The following TBCA variants were observed in gnomAD, a reference collection of about 807,000 sequenced individuals.
The protein encoded by TBCA is tubulin-specific chaperone A.
A neutral mutation model predicts 15.8 loss-of-function variants in TBCA; 6 were observed. That is an observed-to-expected ratio of 0.38 (90% CI 0.21 to 0.75). The LOEUF (loss-of-function observed/expected upper bound fraction) is 0.75. Among genes scored for constraint, TBCA ranks in the 30% least tolerant of loss-of-function variants. The pLI, the probability that TBCA is intolerant of heterozygous loss-of-function variation, is 0.46. For missense variants in TBCA, 90 were observed against 131.2 expected, an observed-to-expected ratio of 0.69 and a Z score of 1.53; for synonymous variants, 32 against 42.3, an observed-to-expected ratio of 0.76 and a Z score of 0.94.
At chr5:77,741,722 T>C (rs1421377798) in intron 1 of TBCA, among the ~76,000 whole-genome samples, 1 of 152,072 alleles carries the variant, frequency 6.6e-6, no homozygotes, top group Non-Finnish European at 1.5e-5. Context: ...AGTTGATATA[T>C]TTACCAAGTC....
chr5:77,729,449 C>T (rs1287218677), intron 1 of TBCA, among the ~76,000 whole-genome samples: 1 of 151,894 alleles, frequency 6.6e-6, no homozygotes, highest in Non-Finnish European at 1.5e-5. Context: ...GAGCATGGAA[C>T]CAGAAAAAAA....
intron 1 of TBCA, among the ~76,000 whole-genome samples, chr5:77,715,526 AAAT>A (rs1347367068): frequency 1.3e-5 from 2 of 152,190 alleles, no homozygotes; most frequent in African/African-American, 4.8e-5. Flanking sequence ...ATAAAAATGA[AAAT>A]AATTAGAAAC....
chr5:77,732,044 G>A (rs189326405), intron 1 of TBCA, among the ~76,000 whole-genome samples: 380 of 152,194 alleles, frequency 2.5e-3, no homozygotes, highest in Admixed American at 4.7e-3. Flanking sequence ...GTTGCTTTGC[G>A]GGATTATCTG....
chr5:77,775,188 C>T (rs1211241915), intron 1 of TBCA, among the ~76,000 whole-genome samples: 6 of 152,200 alleles, frequency 3.9e-5, no homozygotes, highest in Non-Finnish European at 8.8e-5. Context: ...TAACTGACTG[C>T]TTCCTCTGCC....
chr5:77,705,929 A>G (rs1746140222), intron 2 of TBCA, among the ~76,000 whole-genome samples: 1 of 152,162 alleles, frequency 6.6e-6, no homozygotes, highest in Admixed American at 6.5e-5. Flanking sequence ...TGACACACAA[A>G]TGTCTTTTAT....
chr5:77,733,663 A>G (rs1355031031), intron 1 of TBCA, among the ~76,000 whole-genome samples: 3 of 152,244 alleles, frequency 2.0e-5, no homozygotes, highest in Non-Finnish European at 4.4e-5. Flanking sequence ...AAAAGAAGAC[A>G]TCTCCATAAC....
chr5:77,775,917 C>A (rs943586348), intron 1 of TBCA, among the ~76,000 whole-genome samples: 6 of 152,128 alleles, frequency 3.9e-5, no homozygotes, highest in Non-Finnish European at 5.9e-5. Flanking sequence ...CCGCGGCCCA[C>A]CACCTTCCCA....
intron 1 of TBCA, among the ~76,000 whole-genome samples, chr5:77,755,072 G>A (rs1747441572): frequency 2.6e-5 from 4 of 152,180 alleles, no homozygotes; most frequent in Admixed American, 2.6e-4. Flanking sequence ...CTCTAGCCAT[G>A]AGATAGTAAT....
chr5:77,692,330 T>C, intron 3 of TBCA: 6 of 985,394 alleles, frequency 6.1e-6, no homozygotes, highest in Non-Finnish European at 7.2e-6. Context: ...TAAACCTCCA[T>C]GTTATACCTT....
At chr5:77,739,897 AAATAT>A (rs1485268963) in intron 1 of TBCA, among the ~76,000 whole-genome samples, 2 of 152,226 alleles carry the variant, frequency 1.3e-5, no homozygotes, top group Non-Finnish European at 1.5e-5. Flanking sequence ...TCAGTAAAAT[AAATAT>A]ATTTTGGGGA....
At chr5:77,711,648 T>A (rs1746280342) in intron 1 of TBCA, among the ~76,000 whole-genome samples, 1 of 152,100 alleles carries the variant, frequency 6.6e-6, no homozygotes, top group Admixed American at 6.5e-5. Flanking sequence ...TCACAAAAAT[T>A]GAGCAATAAG....
intron 1 of TBCA, among the ~76,000 whole-genome samples, chr5:77,744,497 T>C (rs1023559938): frequency 4.0e-5 from 6 of 150,948 alleles, no homozygotes; most frequent in Non-Finnish European, 7.4e-5. Context: ...ACAGGACTTC[T>C]CTGAGCTTCC....
intron 1 of TBCA, among the ~76,000 whole-genome samples, chr5:77,743,430 G>A (rs1235942627): frequency 6.6e-6 from 1 of 152,236 alleles, no homozygotes; most frequent in Non-Finnish European, 1.5e-5. Context: ...GTTAGAGAAA[G>A]CTGGAAGAGT....
intron 1 of TBCA, among the ~76,000 whole-genome samples, chr5:77,717,845 A>G (rs947641717): frequency 7.2e-6 from 1 of 138,192 alleles, no homozygotes; most frequent in East Asian, 2.3e-4. Context: ...AAGAAAAAAA[A>G]AAGGCCGGGG....
chr5:77,694,407 T>A (rs1194025401), intron 2 of TBCA: 1 of 152,150 alleles, frequency 6.6e-6, no homozygotes, highest in Non-Finnish European at 1.5e-5. Context: ...AGGATATTTC[T>A]GGACGTAAAG....
At position 77,693,736 on chromosome 5, in the gene TBCA, C is replaced by G. The variant is rs376842668; in HGVS notation, c.160-384G>C. The G allele has an allele frequency of 2.4e-5, 4 of 169,134 alleles. No homozygotes were observed. In the East Asian group the frequency reaches 5.1e-4, roughly 21 times the overall value. The allele number at this position is 169,134 out of a possible 1,614,324, so 10.5% of individuals were successfully genotyped here. On this transcript the variant is annotated intron_variant, in intron 2 of 3. Transcript: ENST00000380377. ...ATCGCTTGAACCCAGGAGGCGGAGG[C>G]TGTGATGAGCTGAGATTGCACCATT...
At chr5:77,768,552 C>T (rs144222204) in intron 1 of TBCA, among the ~76,000 whole-genome samples, 70 of 152,272 alleles carry the variant, frequency 4.6e-4, no homozygotes, top group African/African-American at 1.6e-3. Flanking sequence ...CTCTCTACTG[C>T]TTATCCGATC....
intron 1 of TBCA, chr5:77,715,251 CA>C (rs1746371432): frequency 2.8e-6 from 2 of 702,198 alleles, no homozygotes; most frequent in South Asian, 3.0e-5. Context: ...TGTACTCCAG[CA>C]AATTGAAGAC....
chr5:77,706,602 GT>G (rs1580096439), intron 2 of TBCA, among the ~76,000 whole-genome samples: 1 of 151,978 alleles, frequency 6.6e-6, no homozygotes, highest in East Asian at 1.9e-4. Context: ...ATCGCCTGAG[GT>G]CAGGAGTTCA....
Sources: gnomAD v4.1 joint callset for allele counts (sites outside exome capture counted in the v4.1 genomes callset) on GRCh38, gnomAD v4.1.1 for gene constraint, MANE v1.5 for transcripts, NCBI Gene and HGNC (gene_info 2026-07-23, HGNC 2026-07-21) for gene names.